The following PREX1 variants were observed in gnomAD, a reference collection of about 807,000 sequenced individuals.
The protein encoded by PREX1 is phosphatidylinositol-3,4,5-trisphosphate dependent Rac exchange factor 1, also known as phosphatidylinositol 3,4,5-trisphosphate-dependent Rac exchanger 1 protein.
A neutral mutation model predicts 198.3 loss-of-function variants in PREX1; 41 were observed. That is an observed-to-expected ratio of 0.21 (90% CI 0.16 to 0.27). The LOEUF is 0.27. Ranked by LOEUF, PREX1 falls within the 10% of genes least tolerant of loss-of-function variation. The probability of loss-of-function intolerance (pLI) is 1.00; values close to 1 mark genes in which losing one functional copy is unlikely to be tolerated. For missense variants in PREX1, 1,620 were observed against 2,200.7 expected (o/e 0.74, Z 5.28); for synonymous variants, 843 against 887.2 (o/e 0.95, Z 0.89).
At chr20:48,880,981 TAAAAAAAA>T in the PREX1 span, among the ~76,000 whole-genome samples, 5 of 20,968 alleles carry the variant, frequency 2.4e-4, 1 homozygote, top group African/African-American at 1.0e-3. Flanking sequence ...AAACCATTGC[TAAAAAAAA>T]AAAAAAAAAA....
chr20:48,752,529 G>A (rs895958121), intron 1 of PREX1, among the ~76,000 whole-genome samples: 1 of 152,214 alleles, frequency 6.6e-6, no homozygotes, highest in African/African-American at 2.4e-5. Flanking sequence ...AGGTGCGGAA[G>A]AAGTAAGACT....
At chr20:48,670,249 AGT>A (rs1241682424) in intron 14 of PREX1, among the ~76,000 whole-genome samples, 2 of 152,096 alleles carry the variant, frequency 1.3e-5, no homozygotes, top group Non-Finnish European at 2.9e-5. Context: ...TTCTCCCAGT[AGT>A]ACCTCAAGCT....
intron 10 of PREX1, among the ~76,000 whole-genome samples, chr20:48,682,670 C>T (rs1420755613): frequency 2.0e-5 from 3 of 152,220 alleles, no homozygotes; most frequent in East Asian, 1.9e-4. Context: ...CCAGCTCCCA[C>T]GTGACTGCCC....
intron 1 of PREX1, among the ~76,000 whole-genome samples, chr20:48,784,135 G>T (rs928720118): frequency 2.0e-5 from 3 of 152,186 alleles, no homozygotes; most frequent in African/African-American, 7.2e-5. Context: ...AGCCCAGGAA[G>T]ACCACATAAG....
intron 38 of PREX1, 78 bp from the exon 39 acceptor site, chr20:48,627,693 G>C: frequency 6.7e-7 from 1 of 1,494,534 alleles, no homozygotes; most frequent in South Asian, 1.1e-5. Context: ...GTGGGGGTGG[G>C]GCCCAGAAGC....
intron 1 of PREX1, among the ~76,000 whole-genome samples, chr20:48,825,150 A>G (rs895064397): frequency 1.3e-5 from 2 of 152,234 alleles, no homozygotes; most frequent in Non-Finnish European, 2.9e-5. Flanking sequence ...TTTGAAAACG[A>G]AAATGCCTTG....
chr20:48,636,792 G>C (rs2089368995), intron 31 of PREX1, 109 bp from the exon 32 acceptor site: 2 of 919,974 alleles, frequency 2.2e-6, no homozygotes, highest in African/African-American at 1.7e-5. Context: ...CCCAGCAAAG[G>C]GCTAACATCA....
intron 30 of PREX1, among the ~76,000 whole-genome samples, chr20:48,639,565 C>T (rs115821674): frequency 0.023 from 3,487 of 152,136 alleles, 158 homozygotes; most frequent in African/African-American, 0.08. Context: ...CTATGTTGCC[C>T]AGGTCTCAAA....
chr20:48,634,014 G>C (rs989184112), intron 33 of PREX1, among the ~76,000 whole-genome samples: 1 of 151,244 alleles, frequency 6.6e-6, no homozygotes, highest in Non-Finnish European at 1.5e-5. Context: ...TGGATGGACA[G>C]ATGTTTGGAT....
intron 1 of PREX1, among the ~76,000 whole-genome samples, chr20:48,811,691 CGT>C (rs367624588): frequency 1.7e-5 from 2 of 120,522 alleles, no homozygotes; most frequent in African/African-American, 6.7e-5. Context: ...CACACACACA[CGT>C]GTGCATGCAC....
Position 48,681,216 on chromosome 20 carries a change from G to C in PREX1, c.1435+19C>G, listed in dbSNP as rs2089747646. On this transcript the variant is annotated intron_variant, in intron 11 of 39. Transcript: ENST00000371941. Reference sequence around the variant, plus strand: ...CTGTTCCCACCCCTTGGCCCAGCTGGGCCCAGCCCTCCACTCACCATGGTG... The same window carrying C: ...CTGTTCCCACCCCTTGGCCCAGCTGCGCCCAGCCCTCCACTCACCATGGTG... 1 of 1,609,780 alleles carries C rather than the reference G, an allele frequency of 6.2e-7. No homozygotes were observed. Among genetic ancestry groups the C allele is most frequent in the Middle Eastern group, 1.7e-4 (1 of 6,050 alleles).
the PREX1 span, among the ~76,000 whole-genome samples, chr20:48,834,901 C>T: frequency 6.6e-6 from 1 of 152,078 alleles, no homozygotes; most frequent in Non-Finnish European, 1.5e-5. Flanking sequence ...GGATTACAGG[C>T]ACCTGCCACC....
At chr20:48,626,400 G>A (rs1310680932) in intron 39 of PREX1, among the ~76,000 whole-genome samples, 3 of 152,230 alleles carry the variant, frequency 2.0e-5, no homozygotes, top group Non-Finnish European at 4.4e-5. Flanking sequence ...CGGACTCCAC[G>A]CCCAGACTGC....
At chr20:48,733,137 G>A (rs532908258) in intron 4 of PREX1, among the ~76,000 whole-genome samples, 1 of 152,226 alleles carries the variant, frequency 6.6e-6, no homozygotes, top group Admixed American at 6.5e-5. Flanking sequence ...GGTCACAAAT[G>A]ACAATCCGTT....
the PREX1 span, among the ~76,000 whole-genome samples, chr20:48,881,153 C>A: frequency 6.6e-6 from 1 of 151,982 alleles, no homozygotes. Context: ...AAATATTCAG[C>A]GTGGGGGAGT....
In PREX1 at chr20:48,649,442, C is replaced by T. The variant is rs1199490817; in HGVS notation, c.3163G>A (p.Gly1055Arg). 1 of 1,614,046 alleles carries T rather than the reference C, an allele frequency of 6.2e-7. No homozygotes were observed. The highest frequency in any genetic ancestry group is 8.5e-7 in the Non-Finnish European group (1 of 1,180,024). Residue 1055 changes from glycine (G) to arginine (R), a missense_variant, in exon 25 of 40, where the codon GGG becomes AGG. Coordinates refer to ENST00000371941, the MANE Select transcript of PREX1 (RefSeq NM_020820.4). ...CCCCGGTCTTCCTGACCAAGGGTCC[C>T]ACTGGCTGGCCCGAAGCTGCCATCA... ...LHDGSFGPASGTLGQEDRGLS... is the reference protein window; with the variant it reads ...LHDGSFGPASRTLGQEDRGLS...
chr20:48,667,697 G>A (rs564862258), intron 14 of PREX1, among the ~76,000 whole-genome samples: 34 of 152,364 alleles, frequency 2.2e-4, no homozygotes, highest in African/African-American at 7.7e-4. Flanking sequence ...CGAAGGAAGT[G>A]ACATCCAACC....
At chr20:48,761,160 C>A (rs1454478065) in intron 1 of PREX1, among the ~76,000 whole-genome samples, 1 of 152,228 alleles carries the variant, frequency 6.6e-6, no homozygotes, top group African/African-American at 2.4e-5. Flanking sequence ...GAGGACACAG[C>A]ATCATGGGCA....
At chr20:48,816,009 CAAAAAAAAAAGAAAAAAAGGAAAAA>C (rs2090457404) in intron 1 of PREX1, among the ~76,000 whole-genome samples, 1 of 63,988 alleles carries the variant, frequency 1.6e-5, no homozygotes, top group African/African-American at 6.1e-5. Context: ...GACTCTGTCT[CAAAAAAAAAAGAAAAAAAGGAAAAA>C]AAAAAAAAAA....
Sources: allele counts gnomAD v4.1 joint callset (sites outside exome capture counted in the v4.1 genomes callset), GRCh38; gene constraint gnomAD v4.1.1; transcripts MANE v1.5; gene names NCBI Gene and HGNC (gene_info 2026-07-23, HGNC 2026-07-21).